GPC6: variants seen among roughly 807,000 people sequenced by gnomAD.
GPC6 encodes glypican-6.
Under a neutral mutation model 55.2 loss-of-function variants are expected in GPC6, and 14 were observed. The ratio of observed to expected loss-of-function variants is 0.25; its 90% CI spans 0.17 to 0.40. GPC6 has a LOEUF of 0.40. Ranked by LOEUF, GPC6 falls within the 10% of genes least tolerant of loss-of-function variation. The probability of loss-of-function intolerance (pLI) is 1.00; values close to 1 mark genes in which losing one functional copy is unlikely to be tolerated. For synonymous variants in GPC6, 278 were observed against 259.6 expected, an observed-to-expected ratio of 1.07 and a Z score of -0.68; for missense variants, 641 against 708.5, an observed-to-expected ratio of 0.90 and a Z score of 1.08.
rs74785536 is a variant in GPC6 at position 93,554,722 on chromosome 13, C to T, written c.319+9301C>T. On this transcript the variant is annotated intron_variant, in intron 2 of 8. Transcript: ENST00000377047. ...AAAAAAAGAGGTAGCTGGCCTAAGC[C>T]GTTTTCTGTCATTCCAAGCATTCCC... Among the ~76,000 whole-genome samples the T allele has an allele frequency of 1.0e-3, 155 of 152,282 alleles. 1 individual carries two copies. The highest frequency in any genetic ancestry group is 2.9e-3 in the Admixed American group (44 of 15,292).
In GPC6 at chr13:94,380,510, G is replaced by A. The variant is rs576741883; in HGVS notation, c.1153-1904G>A. Among the ~76,000 whole-genome samples the A allele has an allele frequency of 9.9e-5, 15 of 151,774 alleles. No homozygotes were observed. The East Asian group carries it at 2.3e-3, about 23-fold the overall frequency. ...TTTATACTCTTCATCTAGCTTTGCC[G>A]GATATTAAAAAGTTGCCACATTTAC... On this transcript the variant is annotated intron_variant, in intron 6 of 8. Transcript: ENST00000377047.
At chr13:93,667,348 G>A (rs1453979814) in intron 2 of GPC6, among the ~76,000 whole-genome samples, 1 of 151,760 alleles carries the variant, frequency 6.6e-6, no homozygotes, top group African/African-American at 2.4e-5. Context: ...GAGAGAGAGA[G>A]AAAAATCCAT....
chr13:93,704,040 T>A (rs1209890158), intron 2 of GPC6, among the ~76,000 whole-genome samples: 2 of 151,964 alleles, frequency 1.3e-5, no homozygotes, highest in Non-Finnish European at 2.9e-5. Flanking sequence ...GAATTTTTGT[T>A]TTTGACATAG....
At chr13:93,667,735 GT>G (rs71126408) in intron 2 of GPC6, among the ~76,000 whole-genome samples, 62 of 123,088 alleles carry the variant, frequency 5.0e-4, no homozygotes, top group African/African-American at 1.0e-3. Flanking sequence ...GCCAGGACTT[GT>G]TTTTTTTTTT....
intron 3 of GPC6, among the ~76,000 whole-genome samples, chr13:93,982,506 C>T (rs1303691894): frequency 6.6e-6 from 1 of 152,146 alleles, no homozygotes; most frequent in African/African-American, 2.4e-5. Context: ...GATACCGACC[C>T]TACATTATTT....
Position 93,545,318 on chromosome 13 carries a change from A to C in GPC6, c.216A>C (p.Glu72Asp). 1 of 1,613,706 alleles carries C rather than the reference A, an allele frequency of 6.2e-7. No individual in the cohort carries two copies. The highest frequency in any genetic ancestry group is 8.5e-7 in the Non-Finnish European group (1 of 1,179,622). Reference protein sequence around the residue: ...QEYTCCTTEMEDKLSQQSKLE... With the variant: ...QEYTCCTTEMDDKLSQQSKLE... Reference sequence around the variant, plus strand: ...ATACATGCTGCACCACAGAAATGGAAGACAAGTTAAGCCAACAAAGCAAAC... The same window carrying C: ...ATACATGCTGCACCACAGAAATGGACGACAAGTTAAGCCAACAAAGCAAAC... The change falls in exon 2 of 9, where the codon GAA (glutamate) becomes GAC (aspartate). Residue 72 changes from glutamate (E) to aspartate (D), a missense_variant. Glu to Asp is a conservative substitution (Grantham distance 45). Coordinates refer to ENST00000377047, the MANE Select transcript of GPC6 (RefSeq NM_005708.5).
intron 1 of GPC6, among the ~76,000 whole-genome samples, chr13:93,307,586 A>G (rs1471655053): frequency 1.3e-5 from 2 of 152,154 alleles, no homozygotes; most frequent in African/African-American, 4.8e-5. Flanking sequence ...TCTTTCTATT[A>G]ACACCATCAT....
chr13:94,260,141 C>G (rs557620718), intron 4 of GPC6, among the ~76,000 whole-genome samples: 1 of 152,244 alleles, frequency 6.6e-6, no homozygotes, highest in African/African-American at 2.4e-5. Context: ...GAATATAGAG[C>G]ACATCACAGG....
chr13:93,569,499 A>C (rs1876294704), intron 2 of GPC6, among the ~76,000 whole-genome samples: 1 of 152,046 alleles, frequency 6.6e-6, no homozygotes, highest in African/African-American at 2.4e-5. Context: ...AAAACATAGA[A>C]ATCCTCATTT....
intron 2 of GPC6, among the ~76,000 whole-genome samples, chr13:93,715,476 G>A (rs1468927820): frequency 6.6e-6 from 1 of 151,466 alleles, no homozygotes; most frequent in Non-Finnish European, 1.5e-5. Context: ...AGGGAAGGAG[G>A]AAGGGAGGGA....
intron 4 of GPC6, among the ~76,000 whole-genome samples, chr13:94,284,157 C>T (rs1444368272): frequency 6.6e-6 from 1 of 152,160 alleles, no homozygotes; most frequent in Non-Finnish European, 1.5e-5. Context: ...CGTGGCTGCT[C>T]AGTGGGCCAT....
At chr13:93,438,854 A>G (rs763343404) in intron 1 of GPC6, among the ~76,000 whole-genome samples, 4 of 152,160 alleles carry the variant, frequency 2.6e-5, no homozygotes, top group Non-Finnish European at 5.9e-5. Context: ...AAACTGTTTA[A>G]TGAAGAGAAG....
chr13:94,129,122 T>A (rs1480094169), intron 4 of GPC6, among the ~76,000 whole-genome samples: 1 of 152,198 alleles, frequency 6.6e-6, no homozygotes, highest in Non-Finnish European at 1.5e-5. Flanking sequence ...GTATTTATAA[T>A]GTGTGTTTAG....
intron 6 of GPC6, among the ~76,000 whole-genome samples, chr13:94,381,307 C>A (rs1053569781): frequency 6.6e-6 from 1 of 152,048 alleles, no homozygotes; most frequent in Non-Finnish European, 1.5e-5. Flanking sequence ...ATTTACTATC[C>A]CACAGTTCTG....
At chr13:93,739,077 A>G (rs1428896300) in intron 2 of GPC6, among the ~76,000 whole-genome samples, 2 of 152,134 alleles carry the variant, frequency 1.3e-5, no homozygotes, top group African/African-American at 4.8e-5. Flanking sequence ...GGAAGCTGCT[A>G]CTGGAGGTCT....
intron 3 of GPC6, among the ~76,000 whole-genome samples, chr13:93,890,436 G>A (rs561186546): frequency 2.0e-5 from 3 of 152,016 alleles, no homozygotes; most frequent in East Asian, 1.9e-4. Flanking sequence ...AGTATTTGTC[G>A]ATGGATGGGT....
intron 3 of GPC6, among the ~76,000 whole-genome samples, chr13:93,956,719 CTG>C: frequency 6.6e-6 from 1 of 152,340 alleles, no homozygotes; most frequent in South Asian, 2.1e-4. Context: ...AAAAATATCT[CTG>C]TGTTCAACCG....
chr13:93,443,300 A>C (rs75686836), intron 1 of GPC6, among the ~76,000 whole-genome samples: 10,177 of 152,252 alleles, frequency 0.067, 484 homozygotes, highest in Non-Finnish European at 0.095. Context: ...CTTATGAATA[A>C]ATTTTTTTTT....
At chr13:93,518,129 G>A (rs1206209668) in intron 1 of GPC6, among the ~76,000 whole-genome samples, 3 of 151,808 alleles carry the variant, frequency 2.0e-5, no homozygotes, top group African/African-American at 7.3e-5. Context: ...TCTTTTAAAG[G>A]AGCCTCAGAG....
Sources: gnomAD v4.1 joint callset for allele counts (sites outside exome capture counted in the v4.1 genomes callset) on GRCh38, gnomAD v4.1.1 for gene constraint, MANE v1.5 for transcripts, NCBI Gene and HGNC (gene_info 2026-07-23, HGNC 2026-07-21) for gene names.